COL4A4: variants seen among roughly 807,000 people sequenced by gnomAD.
The protein encoded by COL4A4 is collagen type IV alpha 4 chain, also known as collagen alpha-4(IV) chain.
A neutral mutation model predicts 192.9 loss-of-function variants in COL4A4; 105 were observed. The observed-to-expected ratio is 0.54, with a 90% CI of 0.46 to 0.64. The LOEUF (loss-of-function observed/expected upper bound fraction) is 0.64. Ranked by LOEUF, COL4A4 falls within the 30% of genes least tolerant of loss-of-function variation. COL4A4 has a pLI of 0.00. For synonymous variants in COL4A4, 762 were observed against 769.9 expected, an observed-to-expected ratio of 0.99 and a Z score of 0.17; for missense variants, 1,967 against 2,169.3, an observed-to-expected ratio of 0.91 and a Z score of 1.85.
At chr2:227,154,713 G>T (rs964066343) in intron 1 of COL4A4, among the ~76,000 whole-genome samples, 1 of 152,082 alleles carries the variant, frequency 6.6e-6, no homozygotes, top group Non-Finnish European at 1.5e-5. Flanking sequence ...CAGAATTCTC[G>T]AATATTCAGC....
chr2:227,107,680 G>T (rs1337222447), intron 12 of COL4A4, among the ~76,000 whole-genome samples: 1 of 151,580 alleles, frequency 6.6e-6, no homozygotes, highest in Non-Finnish European at 1.5e-5. Flanking sequence ...CTTGCCCTCA[G>T]TTGTTGAAAG....
chr2:227,008,411 G>C, intron 46 of COL4A4, 107 bp from the exon 47 acceptor site: 1 of 1,288,096 alleles, frequency 7.8e-7, no homozygotes, highest in East Asian at 2.4e-5. Flanking sequence ...CTGAAATCTG[G>C]AGGCCCTCGC....
chr2:227,002,897 C>G lies in COL4A4; in HGVS notation c.*4428G>C, dbSNP rs1388530983. 1 of 152,608 alleles carries G rather than the reference C, an allele frequency of 6.6e-6. No individual in the cohort carries two copies. Among genetic ancestry groups the G allele is most frequent in the Non-Finnish European group, 1.5e-5 (1 of 68,042 alleles). The allele number at this position is 152,608 out of a possible 1,614,324, so 9.5% of individuals were successfully genotyped here. A position where few individuals can be genotyped will look rare whatever the true frequency, so the allele number is the denominator to read the frequency against. On this transcript the variant is annotated 3_prime_UTR_variant, in exon 48 of 48. Coordinates refer to ENST00000396625, the MANE Select transcript of COL4A4 (RefSeq NM_000092.5). Reference sequence around the variant, plus strand: ...TTATTAGACACATTTCACATTTTTCCCATGAATCATTAAATATTTAAGCAC... The same window carrying G: ...TTATTAGACACATTTCACATTTTTCGCATGAATCATTAAATATTTAAGCAC...
chr2:227,095,116 C>G (rs2060141385), intron 19 of COL4A4, among the ~76,000 whole-genome samples: 2 of 152,126 alleles, frequency 1.3e-5, no homozygotes, highest in African/African-American at 4.8e-5. Context: ...TACCTTTTCC[C>G]CATTCTTTAG....
At chr2:227,036,016 A>G (rs778770502) in intron 37 of COL4A4, among the ~76,000 whole-genome samples, 1 of 152,220 alleles carries the variant, frequency 6.6e-6, no homozygotes, top group Non-Finnish European at 1.5e-5. Flanking sequence ...AAAGCTTTTT[A>G]TCAATCCCAT....
chr2:227,042,397 G>A, intron 36 of COL4A4, 142 bp from the exon 37 acceptor site: 3 of 635,888 alleles, frequency 4.7e-6, no homozygotes, highest in Non-Finnish European at 8.5e-6. Flanking sequence ...TAACTCTAGG[G>A]AGAAAAATAC....
At chr2:227,061,679 G>A (rs1441281202) in intron 26 of COL4A4, among the ~76,000 whole-genome samples, 4 of 152,198 alleles carry the variant, frequency 2.6e-5, no homozygotes, top group African/African-American at 7.2e-5. Context: ...ATTCATACTA[G>A]TAATGAACGG....
At chr2:227,138,520 C>A (rs983152556) in intron 4 of COL4A4, among the ~76,000 whole-genome samples, 2 of 151,744 alleles carry the variant, frequency 1.3e-5, no homozygotes, top group Non-Finnish European at 2.9e-5. Context: ...GTAGTCCCAG[C>A]TACTGAGGAG....
chr2:227,160,769 A>T (rs1309578148), intron 1 of COL4A4, among the ~76,000 whole-genome samples: 1 of 152,216 alleles, frequency 6.6e-6, no homozygotes, highest in East Asian at 1.9e-4. Flanking sequence ...AACTAGCTAG[A>T]TAGCTACCAT....
chr2:227,079,771 AAG>A (rs2059220756), intron 24 of COL4A4, among the ~76,000 whole-genome samples: 1 of 152,316 alleles, frequency 6.6e-6, no homozygotes, highest in East Asian at 1.9e-4. Flanking sequence ...TGCTTTTCAG[AAG>A]ACTGTTTTGA....
At chr2:227,017,088 T>C (rs578217323) in intron 44 of COL4A4, among the ~76,000 whole-genome samples, 3 of 152,288 alleles carry the variant, frequency 2.0e-5, no homozygotes, top group African/African-American at 7.2e-5. Context: ...GATTCCAACA[T>C]GCAATATATT....
In COL4A4 at chr2:227,121,063, A is replaced by G. The variant is rs1190123470; in HGVS notation, c.278T>C (p.Met93Thr). Residue 93 changes from methionine to threonine, a missense_variant, in exon 5 of 48, where the codon ATG becomes ACG. Coordinates refer to ENST00000396625, the MANE Select transcript of COL4A4 (RefSeq NM_000092.5). ...TCCAGGAGGGCCGCGGTCCCCTCTC[A>G]TTCCTTTCTCTCCTGAAAGCCCAAT... is the stretch of plus-strand genomic sequence containing the variant. Reference protein sequence around the residue: ...GPIGLSGEKGMRGDRGPPGAA... With the variant: ...GPIGLSGEKGTRGDRGPPGAA... The G allele has an allele frequency of 6.2e-7, 1 of 1,614,138 alleles. No individual in the cohort carries two copies. The highest frequency in any genetic ancestry group is 1.3e-5 in the African/African-American group (1 of 75,060).
At chr2:226,980,622 C>T in the COL4A4 span, among the ~76,000 whole-genome samples, 1 of 152,160 alleles carries the variant, frequency 6.6e-6, no homozygotes, top group Non-Finnish European at 1.5e-5. Flanking sequence ...TTAATTAAAT[C>T]TGTAGGGTTC....
chr2:227,098,579 A>G, intron 19 of COL4A4, 115 bp downstream of exon 19: 1 of 806,898 alleles, frequency 1.2e-6, no homozygotes, highest in Admixed American at 2.1e-5. Flanking sequence ...CATCGGTATT[A>G]TTTTACACAA....
chr2:227,048,696 A>G (rs1195747394), intron 34 of COL4A4, among the ~76,000 whole-genome samples: 9 of 152,224 alleles, frequency 5.9e-5, no homozygotes, highest in Admixed American at 5.2e-4. Context: ...GTGCATTTCA[A>G]TTCCTTTTAA....
At chr2:227,099,462 A>T (rs1402647485) in intron 18 of COL4A4, among the ~76,000 whole-genome samples, 158 bp downstream of exon 18, 1 of 152,206 alleles carries the variant, frequency 6.6e-6, no homozygotes, top group Non-Finnish European at 1.5e-5. Flanking sequence ...ACTGAAAAAA[A>T]CCTCATGCAC....
chr2:227,150,676 C>A (rs565399918), intron 1 of COL4A4, among the ~76,000 whole-genome samples: 1 of 152,102 alleles, frequency 6.6e-6, no homozygotes, highest in Non-Finnish European at 1.5e-5. Flanking sequence ...GCAGAAGGCA[C>A]CTCTTCACAG....
chr2:227,107,427 T>C (rs2060912802), intron 12 of COL4A4, among the ~76,000 whole-genome samples: 1 of 152,236 alleles, frequency 6.6e-6, no homozygotes, highest in Non-Finnish European at 1.5e-5. Flanking sequence ...CTGTTGCTTT[T>C]ACAAAGTTGA....
intron 25 of COL4A4, among the ~76,000 whole-genome samples, chr2:227,073,143 A>G (rs1275798308): frequency 6.6e-6 from 1 of 152,104 alleles, no homozygotes; most frequent in Non-Finnish European, 1.5e-5. Context: ...ACACTTACAA[A>G]ATCCTAAGGA....
Sources: allele counts gnomAD v4.1 joint callset (sites outside exome capture counted in the v4.1 genomes callset), GRCh38; gene constraint gnomAD v4.1.1; transcripts MANE v1.5; gene names NCBI Gene and HGNC (gene_info 2026-07-23, HGNC 2026-07-21).